The following KCNQ1 variants were observed in gnomAD, a reference collection of about 807,000 sequenced individuals.
KCNQ1 encodes the protein potassium voltage-gated channel subfamily KQT member 1.
A neutral mutation model predicts 72.4 loss-of-function variants in KCNQ1; 49 were observed. That is an observed-to-expected ratio of 0.68 (90% CI 0.54 to 0.86). The LOEUF is 0.86. Among genes scored for constraint, KCNQ1 ranks in the 40% least tolerant of loss-of-function variants. The pLI, the probability that KCNQ1 is intolerant of heterozygous loss-of-function variation, is 0.00. For synonymous variants in KCNQ1, 450 were observed against 412.6 expected, an observed-to-expected ratio of 1.09 and a Z score of -1.10; for missense variants, 790 against 945.1, an observed-to-expected ratio of 0.84 and a Z score of 2.15.
rs184610858 is a variant in KCNQ1 at position 2,475,730 on chromosome 11, C to A, written c.386+30246C>A. On this transcript the variant is annotated intron_variant, in intron 1 of 15. Transcript: ENST00000155840. The surrounding 1 kb of genome is among the most constrained non-coding windows in gnomAD (Gnocchi z 5.8). ...GACCTGGTGGGGGGTAATTGAATCACGGGGACGAGTCTTTCCTGTGCTGTT... is the reference window on the plus strand; with the variant it reads ...GACCTGGTGGGGGGTAATTGAATCAAGGGGACGAGTCTTTCCTGTGCTGTT... Among the ~76,000 whole-genome samples, 2 of 152,122 alleles carry A rather than the reference C, an allele frequency of 1.3e-5. No homozygotes were observed. The highest frequency in any genetic ancestry group is 2.9e-5 in the Non-Finnish European group (2 of 68,028).
intron 11 of KCNQ1, chr11:2,699,199 A>T (rs1163878835): frequency 7.5e-6 from 3 of 398,666 alleles, no homozygotes; most frequent in Non-Finnish European, 8.8e-6. Flanking sequence ...GATCCTTGGG[A>T]CGCGGCCAGG....
chr11:2,622,511 G>T (rs1849191116), intron 10 of KCNQ1: 1 of 398,366 alleles, frequency 2.5e-6, no homozygotes, highest in Middle Eastern at 6.3e-4. Context: ...GCCAACCTCT[G>T]CTTTTTGGAG....
At chr11:2,533,989 C>T (rs907474762) in intron 2 of KCNQ1, among the ~76,000 whole-genome samples, 1 of 152,230 alleles carries the variant, frequency 6.6e-6, no homozygotes, top group East Asian at 1.9e-4. Flanking sequence ...GGCTTCCTCC[C>T]CTCTGCTGAG....
rs1847614459 is a variant in KCNQ1, at chr11:2,816,381, G to A, written c.1795-31386G>A. On this transcript the variant is annotated intron_variant, in intron 15 of 15. Transcript: ENST00000155840. This position sits in a 1 kb window ranked among gnomAD's most constrained non-coding sequence, Gnocchi z 6.8. ...ATTTCAAGAGCCTTTTGTGAAAATGGTCAGGCTGCTGAAAGTGAGACCACA... is the reference window on the plus strand; with the variant it reads ...ATTTCAAGAGCCTTTTGTGAAAATGATCAGGCTGCTGAAAGTGAGACCACA... Among the ~76,000 whole-genome samples the A allele has an allele frequency of 1.3e-5, 2 of 152,184 alleles. No individual in the cohort carries two copies. The highest frequency in any genetic ancestry group is 4.1e-4 in the South Asian group (2 of 4,824).
At chr11:2,587,441 G>A in intron 8 of KCNQ1, 129 bp from the exon 9 acceptor site, 1 of 1,344,260 alleles carries the variant, frequency 7.4e-7, no homozygotes, top group Non-Finnish European at 1.0e-6. Flanking sequence ...GTGACTCTGA[G>A]GTCCCAGACC....
At chr11:2,822,686 G>A (rs542617191) in intron 15 of KCNQ1, among the ~76,000 whole-genome samples, 15 of 152,190 alleles carry the variant, frequency 9.9e-5, no homozygotes, top group Non-Finnish European at 2.1e-4. Context: ...TGAGAGGATG[G>A]AGAGGGCTGA....
intron 11 of KCNQ1, chr11:2,665,001 G>C: frequency 2.5e-6 from 1 of 398,648 alleles, no homozygotes; most frequent in East Asian, 3.6e-5. Context: ...TCCTCTTTCC[G>C]GGGCCTGTTA....
At chr11:2,646,655 A>G (rs1849670570) in intron 10 of KCNQ1, 1 of 398,470 alleles carries the variant, frequency 2.5e-6, no homozygotes, top group Admixed American at 4.4e-5. Context: ...CCTCCTGAGT[A>G]GCTGAACTTC....
chr11:2,708,389 G>A lies in KCNQ1; in HGVS notation c.1514+46308G>A, dbSNP rs143770593. Among the ~76,000 whole-genome samples, 65 of 152,282 alleles carry A rather than the reference G, an allele frequency of 4.3e-4. No individual in the cohort carries two copies. The East Asian group carries it at 0.01, about 25-fold the overall frequency. ...CGTGGTCCTGAGGCTCCTTGCTGGC[G>A]TTTCTGTTTTGCTCCCTGCTCCTTT... On this transcript the variant is annotated intron_variant, in intron 11 of 15. Transcript: ENST00000155840.
rs139721699 is a variant in KCNQ1 at position 2,656,155 on chromosome 11, C to A, written c.1394-5806C>A. 923 of 398,616 alleles carry A rather than the reference C, an allele frequency of 2.3e-3. 1 individual carries two copies. The highest frequency in any genetic ancestry group is 3.2e-3 in the Non-Finnish European group (715 of 226,074). The allele number at this position is 398,616 out of a possible 1,614,324, so 24.7% of individuals were successfully genotyped here. On this transcript the variant is annotated intron_variant, in intron 10 of 15. Transcript: ENST00000155840. ...TCGTTCCTTCTACATACAAGTGATG[C>A]AAACATCAAAATATGTTTTTTCTTT...
chr11:2,583,639 G>A (rs542432897), intron 7 of KCNQ1, 94 bp downstream of exon 7: 5 of 859,448 alleles, frequency 5.8e-6, no homozygotes, highest in East Asian at 2.4e-5. Flanking sequence ...ACCCACTTAC[G>A]TTCAGAACCA....
intron 15 of KCNQ1, among the ~76,000 whole-genome samples, chr11:2,780,098 G>A (rs958270974): frequency 2.0e-5 from 3 of 152,164 alleles, no homozygotes; most frequent in Non-Finnish European, 4.4e-5. Flanking sequence ...GTGGTGAGTG[G>A]CACCCACAGT....
chr11:2,731,346 G>A (rs778373339), intron 11 of KCNQ1, among the ~76,000 whole-genome samples: 19 of 152,310 alleles, frequency 1.2e-4, no homozygotes, highest in Non-Finnish European at 1.9e-4. Context: ...TCCCACAGTC[G>A]GCATGCCAGA....
At chr11:2,597,117 G>A (rs1307512590) in intron 10 of KCNQ1, among the ~76,000 whole-genome samples, 3 of 152,094 alleles carry the variant, frequency 2.0e-5, no homozygotes, top group Non-Finnish European at 2.9e-5. Context: ...ATTATGACAA[G>A]AGAAATGCAA....
chr11:2,602,378 ATTCTTGTAAGG>A lies in KCNQ1; in HGVS notation c.1393+13532_1393+13542del, dbSNP rs1283076124. Among the ~76,000 whole-genome samples the A allele has an allele frequency of 6.6e-6, 1 of 152,182 alleles. No homozygotes were observed. Among genetic ancestry groups the A allele is most frequent in the Non-Finnish European group, 1.5e-5 (1 of 68,034 alleles). ...ATACATTGATAAGGATGACATGAATATTCTTGTAAGGTTCTTGTGTGAACATAAGTTTTTAT... is the reference window on the plus strand; with the variant it reads ...ATACATTGATAAGGATGACATGAATATTCTTGTGTGAACATAAGTTTTTAT... On this transcript the variant is annotated intron_variant, in intron 10 of 15. Transcript: ENST00000155840. The surrounding 1 kb of genome is among the most constrained non-coding windows in gnomAD (Gnocchi z 4.8).
rs1229867463 is a variant in KCNQ1 at position 2,659,119 on chromosome 11, A to C, written c.1394-2842A>C. On this transcript the variant is annotated intron_variant, in intron 10 of 15. Coordinates refer to ENST00000155840, the MANE Select transcript of KCNQ1 (RefSeq NM_000218.3). This position sits in a 1 kb window ranked among gnomAD's most constrained non-coding sequence, Gnocchi z 4.3. The stretch of plus-strand genomic sequence containing the variant: ...TCCAACATCCGGGTTAATTTTTTAA[A>C]TTTGCATACAGTAAAATCCACTCTT... The C allele has an allele frequency of 2.3e-5, 9 of 398,440 alleles. No homozygotes were observed. Among genetic ancestry groups the C allele is most frequent in the Non-Finnish European group, 3.5e-5 (8 of 226,058 alleles). 24.7% of individuals were successfully genotyped at this position (398,440 alleles called of 1,614,324 possible).
At chr11:2,551,033 A>T (rs1239801680) in intron 2 of KCNQ1, among the ~76,000 whole-genome samples, 1 of 152,090 alleles carries the variant, frequency 6.6e-6, no homozygotes, top group Non-Finnish European at 1.5e-5. Context: ...CTCTAAATAG[A>T]TTAACTAAAA....
intron 11 of KCNQ1, chr11:2,697,847 T>C: frequency 2.5e-6 from 1 of 398,660 alleles, no homozygotes; most frequent in Non-Finnish European, 4.4e-6. Flanking sequence ...CTATCTGAAT[T>C]TGGACATGCT....
chr11:2,524,654 C>T lies in KCNQ1; in HGVS notation c.387-3274C>T, dbSNP rs574660567. ...GGTGGTGGGTTTTGCCACATCTTTG[C>T]AGTAGACAGCACTGGCAGCTTCCGG... is the stretch of plus-strand genomic sequence containing the variant. On this transcript the variant is annotated intron_variant, in intron 1 of 15. Transcript: ENST00000155840. Among the ~76,000 whole-genome samples the T allele has an allele frequency of 5.7e-4, 87 of 152,320 alleles. No homozygotes were observed. In the South Asian group the frequency reaches 6.0e-3, roughly 11 times the overall value.
Sources: allele counts gnomAD v4.1 joint callset (sites outside exome capture counted in the v4.1 genomes callset), GRCh38; gene constraint gnomAD v4.1.1; non-coding constraint Gnocchi (gnomAD v3.1); transcripts MANE v1.5; gene names NCBI Gene and HGNC (gene_info 2026-07-23, HGNC 2026-07-21).